The following TTC28 variants were observed in gnomAD, a reference collection of about 807,000 sequenced individuals.
The protein encoded by TTC28 is tetratricopeptide repeat domain 28.
TTC28 carries 61 observed loss-of-function variants against 198.0 expected under a neutral mutation model. That is an observed-to-expected ratio of 0.31 (90% CI 0.25 to 0.38). The LOEUF (loss-of-function observed/expected upper bound fraction) is 0.38, where lower values mean the gene tolerates loss of function less well. Among genes scored for constraint, TTC28 ranks in the 10% least tolerant of loss-of-function variants. The probability of loss-of-function intolerance (pLI) is 1.00; values close to 1 mark genes in which losing one functional copy is unlikely to be tolerated. For missense variants in TTC28, 2,678 were observed against 3,164.0 expected (o/e 0.85, Z 3.69); for synonymous variants, 1,171 against 1,297.8 (o/e 0.90, Z 2.10).
At chr22:28,464,683 G>T (rs980453223) in intron 2 of TTC28, among the ~76,000 whole-genome samples, 6 of 152,068 alleles carry the variant, frequency 3.9e-5, no homozygotes, top group Non-Finnish European at 8.8e-5. Flanking sequence ...CCTCTTTCTC[G>T]CTCAGTATCA....
At chr22:28,169,903 CTT>C (rs953545087) in intron 5 of TTC28, among the ~76,000 whole-genome samples, 7 of 151,742 alleles carry the variant, frequency 4.6e-5, no homozygotes, top group Non-Finnish European at 8.8e-5. Context: ...ACATCATACT[CTT>C]AAAAAAAAAA....
chr22:28,525,915 T>G (rs557262963), intron 2 of TTC28, among the ~76,000 whole-genome samples: 2 of 152,196 alleles, frequency 1.3e-5, no homozygotes, highest in South Asian at 2.1e-4. Flanking sequence ...ACAAACACTA[T>G]AGTATCTACT....
intron 12 of TTC28, among the ~76,000 whole-genome samples, chr22:28,052,715 T>TA (rs1437128452): frequency 6.6e-6 from 1 of 152,226 alleles, no homozygotes; most frequent in Non-Finnish European, 1.5e-5. Flanking sequence ...TTTATTTCCT[T>TA]ATGTATATTC....
intron 13 of TTC28, among the ~76,000 whole-genome samples, chr22:28,022,590 T>C (rs1938656277): frequency 6.6e-6 from 1 of 152,174 alleles, no homozygotes. Flanking sequence ...CCTGGCAGAT[T>C]GTCAGTGTAG....
chr22:28,641,856 A>G (rs960265943), intron 1 of TTC28, among the ~76,000 whole-genome samples: 1 of 152,208 alleles, frequency 6.6e-6, no homozygotes, highest in South Asian at 2.1e-4. Flanking sequence ...ATACAAAATA[A>G]TAAGTTTAAA....
intron 5 of TTC28, among the ~76,000 whole-genome samples, chr22:28,169,432 C>A (rs1438031009): frequency 6.6e-6 from 1 of 152,100 alleles, no homozygotes; most frequent in African/African-American, 2.4e-5. Context: ...AAATGTCCAA[C>A]AATGATAGAC....
chr22:28,109,676 G>A (rs1354932246), intron 6 of TTC28, among the ~76,000 whole-genome samples: 2 of 152,218 alleles, frequency 1.3e-5, no homozygotes, highest in African/African-American at 4.8e-5. Flanking sequence ...GGTAACTTGG[G>A]AGCTGGCTTT....
chr22:28,219,089 G>C lies in TTC28; in HGVS notation c.934-55490C>G, dbSNP rs61637625. 1.2e-4 allele frequency among the ~76,000 whole-genome samples: 18 copies of C among 152,222 alleles called. 1 individual carries two copies. ...TACTTTGAGAACCACTGATGTCATG[G>C]AAAGACATTTTTGAAGTCAGTGGGA... On this transcript the variant is annotated intron_variant, in intron 5 of 22. Coordinates refer to ENST00000397906, the MANE Select transcript of TTC28 (RefSeq NM_001145418.2).
chr22:28,063,933 G>T (rs1323784242), intron 12 of TTC28, among the ~76,000 whole-genome samples: 1 of 152,134 alleles, frequency 6.6e-6, no homozygotes, highest in African/African-American at 2.4e-5. Context: ...AGTCAATGAA[G>T]GTTTAACTGG....
intron 2 of TTC28, among the ~76,000 whole-genome samples, chr22:28,502,181 C>T (rs1413873314): frequency 6.6e-6 from 1 of 152,150 alleles, no homozygotes; most frequent in Non-Finnish European, 1.5e-5. Flanking sequence ...GTTGTTTCTA[C>T]AATGAAGTAC....
chr22:28,133,936 A>G (rs1288375015), intron 6 of TTC28, among the ~76,000 whole-genome samples: 1 of 152,208 alleles, frequency 6.6e-6, no homozygotes, highest in Non-Finnish European at 1.5e-5. Context: ...TGACCCCTGA[A>G]TAGCCTAACT....
At chr22:28,449,123 A>G (rs1223759822) in intron 2 of TTC28, among the ~76,000 whole-genome samples, 1 of 152,230 alleles carries the variant, frequency 6.6e-6, no homozygotes, top group Admixed American at 6.5e-5. Context: ...TAAGTGCTAG[A>G]AGAACGAGAA....
chr22:28,038,538 A>C (rs913305497), intron 12 of TTC28, among the ~76,000 whole-genome samples: 2 of 152,240 alleles, frequency 1.3e-5, no homozygotes, highest in African/African-American at 4.8e-5. Context: ...TTAAAGACTT[A>C]AATGTTAGAC....
At chr22:28,239,302 T>C (rs1569215680) in intron 5 of TTC28, among the ~76,000 whole-genome samples, 2 of 152,106 alleles carry the variant, frequency 1.3e-5, no homozygotes. Context: ...CATGTGGCTA[T>C]TGAGAACTTA....
intron 1 of TTC28, among the ~76,000 whole-genome samples, chr22:28,637,017 T>G (rs935707026): frequency 2.0e-5 from 3 of 147,870 alleles, no homozygotes; most frequent in Non-Finnish European, 4.5e-5. Flanking sequence ...TTTTTTTTTT[T>G]TTTTTTTTTG....
chr22:28,303,238 A>G (rs1441715722), intron 3 of TTC28, among the ~76,000 whole-genome samples: 1 of 152,238 alleles, frequency 6.6e-6, no homozygotes, highest in East Asian at 1.9e-4. Flanking sequence ...ATAGTATGCT[A>G]CAACACCCAA....
intron 5 of TTC28, among the ~76,000 whole-genome samples, chr22:28,209,422 C>A (rs1444755816): frequency 1.3e-5 from 2 of 152,164 alleles, no homozygotes; most frequent in East Asian, 3.9e-4. Context: ...CCTGGAAAAT[C>A]GGGACATTCC....
chr22:28,435,967 A>G (rs1401399061), intron 2 of TTC28, among the ~76,000 whole-genome samples: 1 of 152,200 alleles, frequency 6.6e-6, no homozygotes, highest in Non-Finnish European at 1.5e-5. Flanking sequence ...CCCTGTTTTT[A>G]ATTGAAAGGA....
chr22:27,991,573 A>G (rs1480443607), intron 19 of TTC28, among the ~76,000 whole-genome samples: 1 of 152,232 alleles, frequency 6.6e-6, no homozygotes, highest in Non-Finnish European at 1.5e-5. Flanking sequence ...CTCCATAGAA[A>G]TATTTCCACT....
Sources: allele counts gnomAD v4.1 joint callset (sites outside exome capture counted in the v4.1 genomes callset), GRCh38; gene constraint gnomAD v4.1.1; transcripts MANE v1.5; gene names NCBI Gene and HGNC (gene_info 2026-07-23, HGNC 2026-07-21).